Variants in REDIC1 observed in about 807,000 individuals in gnomAD.
REDIC1 encodes the protein HEI10 Interacting Protein 1.
the REDIC1 span, among the ~76,000 whole-genome samples, chr12:39,705,341 G>A: frequency 2.6e-5 from 4 of 152,098 alleles, no homozygotes; most frequent in South Asian, 2.1e-4. Flanking sequence ...AGGAAATAAA[G>A]CCTGGGACTT....
the REDIC1 span, among the ~76,000 whole-genome samples, chr12:39,746,235 C>A: frequency 6.6e-6 from 1 of 152,136 alleles, no homozygotes. Context: ...TCACTCCCAC[C>A]CTAATACTGC....
chr12:39,697,522 G>T, the REDIC1 span, among the ~76,000 whole-genome samples: 9 of 152,246 alleles, frequency 5.9e-5, no homozygotes, highest in East Asian at 1.7e-3. Context: ...ACTAAATGAT[G>T]AACTAGTCAA....
the REDIC1 span, among the ~76,000 whole-genome samples, chr12:39,670,987 G>C: frequency 2.0e-5 from 3 of 151,992 alleles, no homozygotes; most frequent in South Asian, 6.2e-4. Flanking sequence ...TTATCTCACT[G>C]AGCTTCTTTT....
chr12:39,866,383 A>G, the REDIC1 span, among the ~76,000 whole-genome samples: 1 of 152,234 alleles, frequency 6.6e-6, no homozygotes, highest in Admixed American at 6.5e-5. Context: ...AAAGGACACA[A>G]CCTTTCCATA....
At chr12:39,848,253 G>T in the REDIC1 span, among the ~76,000 whole-genome samples, 1 of 152,132 alleles carries the variant, frequency 6.6e-6, no homozygotes, top group African/African-American at 2.4e-5. Context: ...CCTACAGAAT[G>T]TGAAAAAACA....
the REDIC1 span, among the ~76,000 whole-genome samples, chr12:39,768,420 C>T: frequency 1.3e-5 from 2 of 152,084 alleles, no homozygotes. Context: ...CTATTTGGTG[C>T]AAGAGGCCTA....
At chr12:39,701,090 T>G in the REDIC1 span, among the ~76,000 whole-genome samples, 3,084 of 113,444 alleles carry the variant, frequency 0.027, 50 homozygotes, top group South Asian at 0.044. Flanking sequence ...ATAACAATAT[T>G]AACTTTAAAT....
the REDIC1 span, among the ~76,000 whole-genome samples, chr12:39,688,967 G>A: frequency 5.9e-4 from 89 of 151,994 alleles, no homozygotes; most frequent in African/African-American, 1.8e-3. Context: ...TCCATGTACC[G>A]TTTTTTTTGT....
the REDIC1 span, among the ~76,000 whole-genome samples, chr12:39,871,523 T>C: frequency 6.6e-6 from 1 of 152,216 alleles, no homozygotes; most frequent in South Asian, 2.1e-4. Flanking sequence ...TTTTGTACCT[T>C]TGAGTGGAAC....
chr12:39,747,085 T>C, the REDIC1 span, among the ~76,000 whole-genome samples: 1 of 152,180 alleles, frequency 6.6e-6, no homozygotes, highest in African/African-American at 2.4e-5. Flanking sequence ...AGAATGACTT[T>C]GACAAGTTGA....
At chr12:39,763,256 A>C in the REDIC1 span, among the ~76,000 whole-genome samples, 28 of 152,214 alleles carry the variant, frequency 1.8e-4, no homozygotes, top group Admixed American at 7.2e-4. Flanking sequence ...TAAATATTTC[A>C]AATGTCTTAA....
chr12:39,760,219 A>G, the REDIC1 span: 3 of 1,612,514 alleles, frequency 1.9e-6, no homozygotes, highest in African/African-American at 4.0e-5. Flanking sequence ...AAGGAGTCCC[A>G]CAGCAGCAAA....
At chr12:39,888,220 ATATTTATT>A in the REDIC1 span, among the ~76,000 whole-genome samples, 1 of 151,954 alleles carries the variant, frequency 6.6e-6, no homozygotes, top group African/African-American at 2.4e-5. Context: ...GTTTTTATTT[ATATTTATT>A]TATTTATTTA....
chr12:39,849,350 A>G, the REDIC1 span, among the ~76,000 whole-genome samples: 1 of 152,146 alleles, frequency 6.6e-6, no homozygotes, highest in African/African-American at 2.4e-5. Context: ...ACAGCATGAA[A>G]GGTGACCTAA....
chr12:39,742,324 G>T, the REDIC1 span, among the ~76,000 whole-genome samples: 1 of 152,274 alleles, frequency 6.6e-6, no homozygotes, highest in East Asian at 1.9e-4. Flanking sequence ...AAGGGAGGAA[G>T]AGGTCACGTA....
chr12:39,907,155 A>G, the REDIC1 span, among the ~76,000 whole-genome samples: 1 of 152,088 alleles, frequency 6.6e-6, no homozygotes, highest in South Asian at 2.1e-4. Flanking sequence ...TTTTCTTTGT[A>G]TTTCAAAATA....
the REDIC1 span, among the ~76,000 whole-genome samples, chr12:39,707,079 A>G: frequency 2.0e-5 from 3 of 151,956 alleles, no homozygotes; most frequent in African/African-American, 7.2e-5. Context: ...TAAAGAGACA[A>G]CCCACAATGG....
the REDIC1 span, among the ~76,000 whole-genome samples, chr12:39,891,729 G>C: frequency 2.6e-5 from 4 of 152,162 alleles, no homozygotes; most frequent in African/African-American, 9.7e-5. Flanking sequence ...TTAGGTTAGT[G>C]ACAGGAATAG....
chr12:39,870,935 G>A, the REDIC1 span, among the ~76,000 whole-genome samples: 10 of 152,224 alleles, frequency 6.6e-5, no homozygotes, highest in East Asian at 1.3e-3. Context: ...CAATGTTTTC[G>A]ATACAATTTG....
Sources: allele counts gnomAD v4.1 joint callset (sites outside exome capture counted in the v4.1 genomes callset), GRCh38; gene constraint gnomAD v4.1.1; transcripts MANE v1.5; gene names NCBI Gene and HGNC (gene_info 2026-07-23, HGNC 2026-07-21).